Variants in LRRTM4 observed in about 807,000 individuals in gnomAD.
LRRTM4 encodes leucine rich repeat transmembrane neuronal 4.
A neutral mutation model predicts 47.6 loss-of-function variants in LRRTM4; 25 were observed. That is an observed-to-expected ratio of 0.53 (90% CI 0.38 to 0.73). The LOEUF is 0.73. Among genes scored for constraint, LRRTM4 ranks in the 30% least tolerant of loss-of-function variants. The probability of loss-of-function intolerance (pLI) is 0.00; values close to 1 mark genes in which losing one functional copy is unlikely to be tolerated. For synonymous variants in LRRTM4, 311 were observed against 269.5 expected (o/e 1.15, Z -1.51); for missense variants, 638 against 713.4 (o/e 0.89, Z 1.20).
rs1553389714 is a variant in LRRTM4 at position 77,103,667 on chromosome 2, A to ATCTATATATATATATC, written c.1552-354752_1552-354751insGATATATATATATAGA. 4.1e-5 allele frequency among the ~76,000 whole-genome samples: 6 copies of ATCTATATATATATATC among 146,284 alleles called. No individual in the cohort carries two copies. The East Asian group carries it at 6.3e-4, about 15-fold the overall frequency. ...TGAGTGTATATATATATATATAGAT[A>ATCTATATATATATATC]TATATATCACATATATGTATATATA... is the stretch of plus-strand genomic sequence containing the variant. On this transcript the variant is annotated intron_variant, in intron 3 of 3. Coordinates refer to ENST00000409884, the MANE Select transcript of LRRTM4 (RefSeq NM_001134745.3).
chr2:76,807,923 C>T (rs1311767564), intron 3 of LRRTM4, among the ~76,000 whole-genome samples: 3 of 115,236 alleles, frequency 2.6e-5, no homozygotes, highest in African/African-American at 9.0e-5. Flanking sequence ...TCTTTCCTTT[C>T]TTTCCTTTCC....
At chr2:77,391,712 C>T (rs949381632) in intron 3 of LRRTM4, among the ~76,000 whole-genome samples, 1 of 151,958 alleles carries the variant, frequency 6.6e-6, no homozygotes. Flanking sequence ...GACCACCCCT[C>T]TCAGCCAAGG....
intron 3 of LRRTM4, among the ~76,000 whole-genome samples, chr2:77,146,923 G>A (rs1305696987): frequency 6.6e-6 from 1 of 152,058 alleles, no homozygotes; most frequent in African/African-American, 2.4e-5. Flanking sequence ...AGAATTTAGA[G>A]GGAGCTAGTT....
At chr2:77,099,490 T>C (rs1670895921) in intron 3 of LRRTM4, among the ~76,000 whole-genome samples, 1 of 152,008 alleles carries the variant, frequency 6.6e-6, no homozygotes, top group African/African-American at 2.4e-5. Flanking sequence ...TAAGATATGT[T>C]AATAATCTTA....
chr2:77,047,379 A>G (rs1180633281), intron 3 of LRRTM4, among the ~76,000 whole-genome samples: 2 of 152,026 alleles, frequency 1.3e-5, no homozygotes, highest in African/African-American at 4.8e-5. Context: ...AGTGGCTTAA[A>G]TAACAGATAT....
At chr2:76,875,780 G>T (rs1188190125) in intron 3 of LRRTM4, among the ~76,000 whole-genome samples, 1 of 152,110 alleles carries the variant, frequency 6.6e-6, no homozygotes, top group Admixed American at 6.6e-5. Flanking sequence ...CCCATGGTTT[G>T]CCAGATCTTG....
intron 3 of LRRTM4, among the ~76,000 whole-genome samples, chr2:76,828,194 G>T (rs1417164015): frequency 6.6e-6 from 1 of 151,926 alleles, no homozygotes; most frequent in Non-Finnish European, 1.5e-5. Context: ...GTGATTGCCT[G>T]ATTGCCTAAG....
At chr2:77,490,045 T>G (rs1287567129) in intron 3 of LRRTM4, among the ~76,000 whole-genome samples, 2 of 152,008 alleles carry the variant, frequency 1.3e-5, no homozygotes, top group African/African-American at 4.8e-5. Flanking sequence ...AGGTAAGAAG[T>G]TTGAGACAAG....
intron 3 of LRRTM4, among the ~76,000 whole-genome samples, chr2:76,978,134 C>T (rs1020408380): frequency 6.6e-6 from 1 of 151,966 alleles, no homozygotes; most frequent in African/African-American, 2.4e-5. Flanking sequence ...TCATAGTTTT[C>T]TTTCTTTTAT....
In LRRTM4 at chr2:77,120,783, G is replaced by A. The variant is rs538395280; in HGVS notation, c.1552-371867C>T. Among the ~76,000 whole-genome samples the A allele has an allele frequency of 9.9e-5, 15 of 151,894 alleles. 2 individuals are homozygous for A. The highest frequency in any genetic ancestry group is 2.9e-4 in the African/African-American group (12 of 41,528). ...TTGAAAAAATATCTTTGACATCTCTGATAGAGCCAAATATTGCATTCACTT... is the reference window on the plus strand; with the variant it reads ...TTGAAAAAATATCTTTGACATCTCTAATAGAGCCAAATATTGCATTCACTT... On this transcript the variant is annotated intron_variant, in intron 3 of 3. Transcript: ENST00000409884.
rs539655990 is a variant in LRRTM4, at chr2:76,927,233, T to C, written c.1552-178317A>G. The stretch of plus-strand genomic sequence containing the variant: ...TCTTAGGAGTTACCATATTCTTACA[T>C]GACCACCCTAGGAATTACCATATGT... On this transcript the variant is annotated intron_variant, in intron 3 of 3. Transcript: ENST00000409884. Among the ~76,000 whole-genome samples, 6 of 152,090 alleles carry C rather than the reference T, an allele frequency of 3.9e-5. No homozygotes were observed. In the South Asian group the frequency reaches 1.2e-3, roughly 31 times the overall value.
intron 3 of LRRTM4, among the ~76,000 whole-genome samples, chr2:76,919,102 A>T (rs1413544568): frequency 6.6e-6 from 1 of 152,170 alleles, no homozygotes; most frequent in African/African-American, 2.4e-5. Context: ...TCTTCCAGAG[A>T]ATATGTATGG....
At chr2:77,073,185 T>C (rs1418637682) in intron 3 of LRRTM4, among the ~76,000 whole-genome samples, 1 of 152,048 alleles carries the variant, frequency 6.6e-6, no homozygotes, top group Non-Finnish European at 1.5e-5. Context: ...GTGTTTTTTT[T>C]TTCCCTAGTA....
At chr2:76,913,741 G>C (rs570546919) in intron 3 of LRRTM4, among the ~76,000 whole-genome samples, 1 of 152,032 alleles carries the variant, frequency 6.6e-6, no homozygotes, top group East Asian at 1.9e-4. Context: ...GTTTCGCCAT[G>C]TTGGTCTGGC....
rs200529488 is a variant in LRRTM4 at position 77,308,312 on chromosome 2, CTAA to C, written c.1551+210003_1551+210005del. 5.2e-4 allele frequency among the ~76,000 whole-genome samples: 79 copies of C among 151,656 alleles called. 1 individual carries two copies. In the East Asian group the frequency reaches 0.013, roughly 25 times the overall value. ...AACACAACACAAAAATTGAAAGATA[CTAA>C]TACCTTTGTTTTACAATTTAAGTTT... On this transcript the variant is annotated intron_variant, in intron 3 of 3. Transcript: ENST00000409884.
At chr2:76,949,624 T>C (rs1438243527) in intron 3 of LRRTM4, among the ~76,000 whole-genome samples, 2 of 151,942 alleles carry the variant, frequency 1.3e-5, no homozygotes, top group African/African-American at 4.8e-5. Flanking sequence ...GGCCACAGGA[T>C]ACAGTGGGAA....
At chr2:76,978,703 T>G (rs1384370689) in intron 3 of LRRTM4, among the ~76,000 whole-genome samples, 1 of 152,204 alleles carries the variant, frequency 6.6e-6, no homozygotes, top group African/African-American at 2.4e-5. Context: ...TGCCTGAGTA[T>G]GCATAGCGAG....
chr2:77,423,833 G>A (rs1675002478), intron 3 of LRRTM4, among the ~76,000 whole-genome samples: 3 of 152,122 alleles, frequency 2.0e-5, no homozygotes, highest in Admixed American at 2.0e-4. Flanking sequence ...TGGACCCCGA[G>A]TGAGCCAATT....
At chr2:77,095,637 C>T (rs1199465337) in intron 3 of LRRTM4, among the ~76,000 whole-genome samples, 2 of 151,504 alleles carry the variant, frequency 1.3e-5, no homozygotes, top group Middle Eastern at 6.8e-3. Flanking sequence ...TCCCAAGTAA[C>T]TGAGACTGCA....
Sources: allele counts gnomAD v4.1 joint callset (sites outside exome capture counted in the v4.1 genomes callset), GRCh38; gene constraint gnomAD v4.1.1; transcripts MANE v1.5; gene names NCBI Gene and HGNC (gene_info 2026-07-23, HGNC 2026-07-21).